The following ACO2 variants were observed in gnomAD, a reference collection of about 807,000 sequenced individuals.
The protein encoded by ACO2 is aconitate hydratase, mitochondrial.
A neutral mutation model predicts 84.5 loss-of-function variants in ACO2; 31 were observed. That is an observed-to-expected ratio of 0.37 (90% CI 0.28 to 0.50). The LOEUF (loss-of-function observed/expected upper bound fraction) is 0.50. Ranked by LOEUF, ACO2 falls within the 20% of genes least tolerant of loss-of-function variation. The probability of loss-of-function intolerance (pLI) is 0.97; values close to 1 mark genes in which losing one functional copy is unlikely to be tolerated. For synonymous variants in ACO2, 414 were observed against 412.7 expected (o/e 1.00, Z -0.04); for missense variants, 685 against 1,029.3 (o/e 0.67, Z 4.58).
At chr22:41,479,284 C>T (rs962226929) in intron 1 of ACO2, among the ~76,000 whole-genome samples, 4 of 152,154 alleles carry the variant, frequency 2.6e-5, no homozygotes, top group Non-Finnish European at 4.4e-5. Context: ...AGCGGAGAAA[C>T]GCATTACCCA....
At chr22:41,498,174 TAG>T (rs2066328869) in intron 1 of ACO2, among the ~76,000 whole-genome samples, 1 of 152,066 alleles carries the variant, frequency 6.6e-6, no homozygotes, top group African/African-American at 2.4e-5. Context: ...TAATTGGGTG[TAG>T]TAGTGTGCGC....
intron 1 of ACO2, among the ~76,000 whole-genome samples, chr22:41,470,598 A>C (rs1019336820): frequency 7.5e-6 from 1 of 133,592 alleles, no homozygotes; most frequent in Non-Finnish European, 1.5e-5. Flanking sequence ...GCTGGAGTGC[A>C]ATGGCGCAAT....
Position 41,523,226 on chromosome 22 carries a change from G to C in ACO2, c.1318G>C (p.Gly440Arg). ...GCAGGCACAGATCTTGAGGGATCTG[G>C]GTGGCATTGTCCTGGCCAATGCTTG... Reference protein sequence around the residue: ...DGYAQILRDLGGIVLANACGP... With the variant: ...DGYAQILRDLRGIVLANACGP... The change falls in exon 11 of 18, where the codon GGT (glycine) becomes CGT (arginine). Residue 440 changes from glycine to arginine, a missense_variant. This residue lies in a region of ACO2 where 311 missense variants were observed against 441.6 expected (regional missense o/e 0.70). Transcript: ENST00000216254. 1 of 1,613,068 alleles carries C rather than the reference G, an allele frequency of 6.2e-7. No individual in the cohort carries two copies. The highest frequency in any genetic ancestry group is 8.5e-7 in the Non-Finnish European group (1 of 1,179,418).
At chr22:41,501,813 C>T (rs761334708) in intron 2 of ACO2, among the ~76,000 whole-genome samples, 2 of 152,132 alleles carry the variant, frequency 1.3e-5, no homozygotes, top group Non-Finnish European at 2.9e-5. Flanking sequence ...ATCCCCACTT[C>T]GGTTTTAAGG....
intron 2 of ACO2, among the ~76,000 whole-genome samples, chr22:41,504,829 T>TTC (rs1569012147): frequency 1.4e-4 from 20 of 144,100 alleles, no homozygotes; most frequent in Non-Finnish European, 2.6e-4. Flanking sequence ...GGTCAATCCA[T>TTC]CCTCCCACCT....
chr22:41,511,107 G>C (rs1394392710), intron 3 of ACO2, among the ~76,000 whole-genome samples: 2 of 152,122 alleles, frequency 1.3e-5, no homozygotes, highest in African/African-American at 4.8e-5. Context: ...CTGGGCTCAA[G>C]TGATCTTCCT....
intron 1 of ACO2, among the ~76,000 whole-genome samples, chr22:41,496,878 G>T (rs568442015): frequency 3.0e-4 from 45 of 152,046 alleles, no homozygotes; most frequent in Non-Finnish European, 1.9e-4. Context: ...ACTCGAACAG[G>T]GAATGGCTGC....
At position 41,528,036 on chromosome 22, in the gene ACO2, G is replaced by T; in HGVS notation, c.2208+14G>T. 1.2e-6 allele frequency: 2 copies of T among 1,614,026 alleles called. No individual in the cohort carries two copies. Among genetic ancestry groups the T allele is most frequent in the Non-Finnish European group, 1.7e-6 (2 of 1,179,994 alleles). On this transcript the variant is annotated intron_variant, in intron 17 of 17. Transcript: ENST00000216254. The stretch of plus-strand genomic sequence containing the variant: ...ACCCCTGGCAAGGTTAGGGGCCCGG[G>T]TCCCCCTGAGGTGGTGGGGTGAGGG...
At chr22:41,500,917 TG>T (rs2066349684) in intron 2 of ACO2, among the ~76,000 whole-genome samples, 1 of 152,134 alleles carries the variant, frequency 6.6e-6, no homozygotes, top group Admixed American at 6.6e-5. Context: ...TTGGCCAGGC[TG>T]GCCTCAAACT....
At chr22:41,478,014 G>A (rs868587747) in intron 1 of ACO2, among the ~76,000 whole-genome samples, 25 of 151,752 alleles carry the variant, frequency 1.6e-4, no homozygotes, top group African/African-American at 6.1e-4. Flanking sequence ...GCAGTGAGCC[G>A]AGATCACGCT....
At chr22:41,489,765 T>A (rs999423137) in intron 1 of ACO2, among the ~76,000 whole-genome samples, 1 of 152,062 alleles carries the variant, frequency 6.6e-6, no homozygotes, top group African/African-American at 2.4e-5. Context: ...GATCTCTGGG[T>A]TAAAATGGTG....
In ACO2 at chr22:41,523,001, TC is replaced by T. The variant is rs2066539288; in HGVS notation, c.1296+19del. 5.0e-6 allele frequency: 8 copies of T among 1,613,372 alleles called. No homozygotes were observed. The highest frequency in any genetic ancestry group is 6.8e-6 in the Non-Finnish European group (8 of 1,179,636). On this transcript the variant is annotated intron_variant, in intron 10 of 17. Coordinates refer to ENST00000216254, the MANE Select transcript of ACO2 (RefSeq NM_001098.3). Reference sequence around the variant, plus strand: ...CGGGACGGCTATGTGAGTGCCCATATCCCCCTGCCCATCTCCCCCACCCCAT... The same window carrying T: ...CGGGACGGCTATGTGAGTGCCCATATCCCCTGCCCATCTCCCCCACCCCAT...
chr22:41,478,293 A>G (rs953945480), intron 1 of ACO2, among the ~76,000 whole-genome samples: 3 of 151,960 alleles, frequency 2.0e-5, no homozygotes, highest in African/African-American at 4.8e-5. Flanking sequence ...ACGCACCACC[A>G]TGCCCAGCTA....
intron 2 of ACO2, among the ~76,000 whole-genome samples, chr22:41,506,245 G>A (rs566765519): frequency 1.3e-5 from 2 of 151,612 alleles, no homozygotes; most frequent in South Asian, 4.2e-4. Flanking sequence ...GCATCACCCT[G>A]TCTGGCTCAT....
In ACO2 at chr22:41,525,244, G is replaced by A. The variant is rs151082937; in HGVS notation, c.1657G>A (p.Gly553Arg). The change falls in exon 14 of 18, where the codon GGG becomes AGG. Residue 553 changes from glycine to arginine, a missense_variant. Around this residue, in one of 5 missense-constraint regions of ACO2, gnomAD observed 311 missense variants for 441.6 expected, o/e 0.70. Coordinates refer to ENST00000216254, the MANE Select transcript of ACO2 (RefSeq NM_001098.3). ...TYQHPPKDSSGQHVDVSPTSQ... is the reference protein window; with the variant it reads ...TYQHPPKDSSRQHVDVSPTSQ... Reference sequence around the variant, plus strand: ...CCAGCACCCACCCAAGGACAGCAGCGGGCAGCATGTGGACGTGAGCCCCAC... The same window carrying A: ...CCAGCACCCACCCAAGGACAGCAGCAGGCAGCATGTGGACGTGAGCCCCAC... The A allele has an allele frequency of 1.5e-5, 25 of 1,614,008 alleles. 1 individual carries two copies. The highest frequency in any genetic ancestry group is 3.3e-4 in the Middle Eastern group (2 of 6,058).
intron 2 of ACO2, among the ~76,000 whole-genome samples, chr22:41,504,771 T>C (rs2066381014): frequency 7.0e-6 from 1 of 142,220 alleles, no homozygotes; most frequent in Admixed American, 7.3e-5. Context: ...TTACCCAGGC[T>C]GGAGTGCAGT....
At chr22:41,505,750 A>T (rs554659501) in intron 2 of ACO2, among the ~76,000 whole-genome samples, 1 of 151,666 alleles carries the variant, frequency 6.6e-6, no homozygotes, top group African/African-American at 2.4e-5. Context: ...AAAGCCAATC[A>T]GTAGTGGCAA....
At chr22:41,485,356 A>C (rs906296508) in intron 1 of ACO2, among the ~76,000 whole-genome samples, 2 of 151,488 alleles carry the variant, frequency 1.3e-5, no homozygotes, top group African/African-American at 4.9e-5. Flanking sequence ...GCTGGAGTGC[A>C]ATGGCACAAT....
chr22:41,474,829 G>A (rs954276617), intron 1 of ACO2, among the ~76,000 whole-genome samples: 7 of 151,442 alleles, frequency 4.6e-5, no homozygotes, highest in Non-Finnish European at 7.4e-5. Context: ...TCGATCTCCT[G>A]ACCTCATGAT....
Sources: allele counts gnomAD v4.1 joint callset (sites outside exome capture counted in the v4.1 genomes callset), GRCh38; gene constraint gnomAD v4.1.1; regional missense constraint gnomAD v4.1.1; transcripts MANE v1.5; gene names NCBI Gene and HGNC (gene_info 2026-07-23, HGNC 2026-07-21).